The following TAB2 variants were observed in gnomAD, a reference collection of about 807,000 sequenced individuals.
The protein encoded by TAB2 is TGF-beta activated kinase 1 (MAP3K7) binding protein 2, also known as TGF-beta-activated kinase 1 and MAP3K7-binding protein 2.
Under a neutral mutation model 65.0 loss-of-function variants are expected in TAB2, and 3 were observed. The ratio of observed to expected loss-of-function variants is 0.05; its 90% CI spans 0.02 to 0.12. TAB2 has a LOEUF of 0.12. Ranked by LOEUF, TAB2 falls within the 10% of genes least tolerant of loss-of-function variation. The pLI is 1.00. For missense variants in TAB2, 623 were observed against 840.3 expected (o/e 0.74, Z 3.20); for synonymous variants, 298 against 285.1 (o/e 1.05, Z -0.46).
At chr6:149,361,604 T>C (rs1780855811) in intron 1 of TAB2, among the ~76,000 whole-genome samples, 1 of 152,230 alleles carries the variant, frequency 6.6e-6, no homozygotes, top group Non-Finnish European at 1.5e-5. Context: ...CGCACTTGGC[T>C]CCTTTTTAGT....
intron 1 of TAB2, among the ~76,000 whole-genome samples, chr6:149,254,072 AGGAAG>A (rs1373442053): frequency 1.1e-5 from 1 of 90,944 alleles, no homozygotes; most frequent in Non-Finnish European, 2.2e-5. Context: ...GAAGGAAGGA[AGGAAG>A]GAAGGAAGGA....
At chr6:149,229,784 A>C (rs1257800909) in intron 1 of TAB2, 2 of 152,222 alleles carry the variant, frequency 1.3e-5, no homozygotes, top group African/African-American at 2.4e-5. Context: ...CAGGGGGCCT[A>C]AAATGTCATC....
At chr6:149,356,536 G>A (rs1243188323) in intron 1 of TAB2, among the ~76,000 whole-genome samples, 2 of 152,146 alleles carry the variant, frequency 1.3e-5, no homozygotes, top group African/African-American at 2.4e-5. Context: ...TCTGTGGTTC[G>A]TAGGTGGCAC....
intron 1 of TAB2, among the ~76,000 whole-genome samples, chr6:149,351,544 C>T (rs1223169748): frequency 1.3e-5 from 2 of 152,170 alleles, no homozygotes; most frequent in Non-Finnish European, 2.9e-5. Context: ...ATTTTATTTA[C>T]ATGTGTACTT....
chr6:149,326,819 G>A (rs1204865512), intron 1 of TAB2, among the ~76,000 whole-genome samples: 1 of 152,098 alleles, frequency 6.6e-6, no homozygotes, highest in Non-Finnish European at 1.5e-5. Context: ...TTTTTTAAGC[G>A]GTTTTTAGCT....
intron 1 of TAB2, among the ~76,000 whole-genome samples, chr6:149,227,636 G>A (rs1053379885): frequency 5.3e-5 from 8 of 152,326 alleles, no homozygotes; most frequent in African/African-American, 9.6e-5. Flanking sequence ...ATAAAACTGC[G>A]ATTGCCCCCA....
intron 2 of TAB2, among the ~76,000 whole-genome samples, chr6:149,374,411 CAG>C: frequency 6.6e-6 from 1 of 152,150 alleles, no homozygotes; most frequent in East Asian, 1.9e-4. Context: ...TTTTTAGAGA[CAG>C]GGTCTCACTA....
intron 1 of TAB2, among the ~76,000 whole-genome samples, chr6:149,275,686 G>A (rs1778458973): frequency 6.6e-6 from 1 of 152,156 alleles, no homozygotes; most frequent in African/African-American, 2.4e-5. Flanking sequence ...TACCTCATCT[G>A]GGTGTTCAAA....
At position 149,268,327 on chromosome 6, in the gene TAB2, A is replaced by C. The variant is rs375012824; in HGVS notation, c.-121+49551A>C. On this transcript the variant is annotated intron_variant, in intron 1 of 1. Transcript: ENST00000606202. ...CAAAAAAGAGAAAAAGCACATCCAGAAGTTAGTCACGTGGTCCACATCCAG... is the reference window on the plus strand; with the variant it reads ...CAAAAAAGAGAAAAAGCACATCCAGCAGTTAGTCACGTGGTCCACATCCAG... Among the ~76,000 whole-genome samples, 8 of 152,344 alleles carry C rather than the reference A, an allele frequency of 5.3e-5. No individual in the cohort carries two copies. The East Asian group carries it at 1.5e-3, about 29-fold the overall frequency.
chr6:149,253,637 AAG>A (rs1491055221), intron 1 of TAB2, among the ~76,000 whole-genome samples: 37 of 147,830 alleles, frequency 2.5e-4, no homozygotes, highest in African/African-American at 9.0e-4. Flanking sequence ...AAAAAAAAAA[AAG>A]AAAGCCAGGC....
intron 1 of TAB2, among the ~76,000 whole-genome samples, chr6:149,318,973 T>G (rs776499237): frequency 5.3e-5 from 8 of 152,226 alleles, no homozygotes; most frequent in Non-Finnish European, 7.3e-5. Context: ...TCACGAAATT[T>G]AGGCCCCCAG....
chr6:149,242,939 C>T (rs1777630564), intron 1 of TAB2, among the ~76,000 whole-genome samples: 1 of 152,170 alleles, frequency 6.6e-6, no homozygotes, highest in Non-Finnish European at 1.5e-5. Flanking sequence ...TCTGGAAGCA[C>T]CCTTTCATCA....
intron 3 of TAB2, among the ~76,000 whole-genome samples, chr6:149,393,823 A>C (rs1163182302): frequency 6.6e-6 from 1 of 151,270 alleles, no homozygotes; most frequent in Non-Finnish European, 1.5e-5. Context: ...TTTATCTCAT[A>C]TGTTTTGCCC....
intron 1 of TAB2, among the ~76,000 whole-genome samples, chr6:149,254,135 G>A (rs1043340078): frequency 6.7e-6 from 1 of 149,222 alleles, no homozygotes; most frequent in Non-Finnish European, 1.5e-5. Flanking sequence ...GAAGGGAAAG[G>A]AAAGGAAAGG....
chr6:149,369,923 G>A lies in TAB2; in HGVS notation c.-75G>A, dbSNP rs1160167276. 7.8e-7 allele frequency: 1 copy of A among 1,274,312 alleles called. No homozygotes were observed. The highest frequency in any genetic ancestry group is 2.3e-5 in the East Asian group (1 of 43,346). The allele number at this position is 1,274,312 out of a possible 1,614,324, so 78.9% of individuals were successfully genotyped here. A position where few individuals can be genotyped will look rare whatever the true frequency, so the allele number is the denominator to read the frequency against. On this transcript the variant is annotated 5_prime_UTR_variant, in exon 2 of 7. Coordinates refer to ENST00000637181, the MANE Select transcript of TAB2 (RefSeq NM_001292034.3). ...TTCTTTCACAGAAAATGCTTGGACA[G>A]AAGAGATGAGTACTATTTCCACTAA...
At chr6:149,319,511 C>T (rs1252765680) in intron 1 of TAB2, among the ~76,000 whole-genome samples, 1 of 152,092 alleles carries the variant, frequency 6.6e-6, no homozygotes, top group East Asian at 1.9e-4. Context: ...AATTAGGGTA[C>T]AGTTAGTTTA....
chr6:149,307,560 T>C (rs997547731), intron 1 of TAB2, among the ~76,000 whole-genome samples: 5 of 152,168 alleles, frequency 3.3e-5, no homozygotes, highest in African/African-American at 7.2e-5. Flanking sequence ...GGAAATGAGG[T>C]CAGTACTCTG....
intron 1 of TAB2, chr6:149,218,800 T>C (rs1333766187): frequency 2.2e-6 from 1 of 456,026 alleles, no homozygotes; most frequent in South Asian, 1.5e-5. Context: ...CAGTCATTGT[T>C]TCTGGAGAAA....
intron 1 of TAB2, among the ~76,000 whole-genome samples, chr6:149,351,591 C>T (rs572828754): frequency 1.6e-4 from 24 of 152,294 alleles, no homozygotes; most frequent in Admixed American, 1.0e-3. Flanking sequence ...TTGGATTACT[C>T]ATTTAATTCT....
Sources: gnomAD v4.1 joint callset for allele counts (sites outside exome capture counted in the v4.1 genomes callset) on GRCh38, gnomAD v4.1.1 for gene constraint, MANE v1.5 for transcripts, NCBI Gene and HGNC (gene_info 2026-07-23, HGNC 2026-07-21) for gene names.